Variants in STARD13 observed in about 807,000 individuals in gnomAD.
STARD13 encodes the protein StAR related lipid transfer domain containing 13, also known as stAR-related lipid transfer protein 13.
STARD13 carries 62 observed loss-of-function variants against 106.4 expected under a neutral mutation model. The observed-to-expected ratio is 0.58, with a 90% confidence interval of 0.48 to 0.72. The LOEUF (loss-of-function observed/expected upper bound fraction) is 0.72. STARD13 is among the 30% of genes least tolerant of loss of function. STARD13 has a pLI of 0.00. For missense variants in STARD13, 1,387 were observed against 1,424.0 expected (o/e 0.97, Z 0.42); for synonymous variants, 565 against 553.0 (o/e 1.02, Z -0.31).
chr13:33,362,906 T>C, the STARD13 span, among the ~76,000 whole-genome samples: 9 of 152,230 alleles, frequency 5.9e-5, no homozygotes, highest in Non-Finnish European at 1.2e-4. Context: ...TGATACACAG[T>C]AGATGCTCAA....
the STARD13 span, among the ~76,000 whole-genome samples, chr13:33,424,796 G>A: frequency 6.6e-6 from 1 of 152,186 alleles, no homozygotes; most frequent in Non-Finnish European, 1.5e-5. Context: ...ACATGTAGAA[G>A]TCCAATTCAT....
upstream of STARD13, among the ~76,000 whole-genome samples, chr13:33,287,690 A>C (rs966940875): frequency 6.6e-6 from 1 of 152,192 alleles, no homozygotes; most frequent in Non-Finnish European, 1.5e-5. Flanking sequence ...TGGCCGTCCA[A>C]TTAAGGTGCT....
chr13:33,160,192 C>T (rs1272855456), intron 3 of STARD13, among the ~76,000 whole-genome samples: 1 of 152,056 alleles, frequency 6.6e-6, no homozygotes, highest in Admixed American at 6.6e-5. Context: ...AAAGGTAATT[C>T]AGTAAAGACA....
chr13:33,157,116 T>C (rs1295690132), intron 3 of STARD13, among the ~76,000 whole-genome samples: 12 of 152,170 alleles, frequency 7.9e-5, no homozygotes. Context: ...AGTATGGGCC[T>C]TTGTATGTGT....
At chr13:33,656,250 C>G in the STARD13 span, among the ~76,000 whole-genome samples, 1 of 151,894 alleles carries the variant, frequency 6.6e-6, no homozygotes, top group African/African-American at 2.4e-5. Flanking sequence ...ATAGTAGCTT[C>G]TCAATAAATA....
At chr13:33,475,688 G>A in the STARD13 span, among the ~76,000 whole-genome samples, 2,193 of 152,252 alleles carry the variant, frequency 0.014, 57 homozygotes, top group African/African-American at 0.047. Context: ...GCCAGGTGTG[G>A]TGGTCACGCC....
the STARD13 span, among the ~76,000 whole-genome samples, chr13:33,469,103 G>T: frequency 6.6e-6 from 1 of 152,174 alleles, no homozygotes; most frequent in Admixed American, 6.5e-5. Context: ...TGCTTACTAT[G>T]CATCAAGCAC....
chr13:33,543,852 A>G, the STARD13 span, among the ~76,000 whole-genome samples: 2 of 152,360 alleles, frequency 1.3e-5, no homozygotes, highest in South Asian at 2.1e-4. Flanking sequence ...TGCTTTGTCA[A>G]TAATGCTTTT....
At chr13:33,223,148 G>A (rs1270850166) in intron 1 of STARD13, among the ~76,000 whole-genome samples, 1 of 152,234 alleles carries the variant, frequency 6.6e-6, no homozygotes, top group African/African-American at 2.4e-5. Context: ...AGATTACCCA[G>A]CCTGTGCTGG....
At chr13:33,469,711 T>TA in the STARD13 span, among the ~76,000 whole-genome samples, 2,207 of 152,114 alleles carry the variant, frequency 0.015, 58 homozygotes, top group African/African-American at 0.048. Flanking sequence ...CCCATTTAAT[T>TA]AAGAGGAAAT....
chr13:33,428,360 G>A, the STARD13 span, among the ~76,000 whole-genome samples: 1 of 152,014 alleles, frequency 6.6e-6, no homozygotes, highest in Non-Finnish European at 1.5e-5. Context: ...GTACAGTAAA[G>A]GAAACAGCAG....
rs371245565 is a variant in STARD13, at chr13:33,158,191, A to AAG, written c.323+7144_323+7145dup. Among the ~76,000 whole-genome samples, 380 of 148,564 alleles carry AAG rather than the reference A, an allele frequency of 2.6e-3. 2 individuals are homozygous for AAG. The highest frequency in any genetic ancestry group is 6.8e-3 in the African/African-American group (278 of 40,774). On this transcript the variant is annotated intron_variant, in intron 3 of 13. Coordinates refer to ENST00000336934, the MANE Select transcript of STARD13 (RefSeq NM_178006.4). ...GGGCCTAAAATGAGAGCTAGAGAGA[A>AAG]AGAGAGAGAGAGAGAGAGAGCAAGA... is the stretch of plus-strand genomic sequence containing the variant.
At chr13:33,484,098 G>A in the STARD13 span, among the ~76,000 whole-genome samples, 8 of 152,154 alleles carry the variant, frequency 5.3e-5, no homozygotes, top group Non-Finnish European at 1.2e-4. Context: ...TTAAGACAGT[G>A]GAAGAGACCC....
the STARD13 span, among the ~76,000 whole-genome samples, chr13:33,418,388 G>T: frequency 6.6e-6 from 1 of 152,216 alleles, no homozygotes; most frequent in African/African-American, 2.4e-5. Flanking sequence ...GCAAGGGGAG[G>T]GGTGTCTGCC....
the STARD13 span, among the ~76,000 whole-genome samples, chr13:33,472,276 CTTCT>C: frequency 6.6e-6 from 1 of 151,874 alleles, no homozygotes; most frequent in African/African-American, 2.4e-5. Flanking sequence ...GCATTTGTTT[CTTCT>C]TTCTTGTTTA....
At chr13:33,126,055 C>T (rs1877110107) in intron 7 of STARD13, 26 bp downstream of exon 7, 7 of 1,610,022 alleles carry the variant, frequency 4.3e-6, no homozygotes, top group Non-Finnish European at 5.9e-6. Context: ...GGTGGTGGGG[C>T]AGCAGCGGGG....
At chr13:33,395,626 T>C in the STARD13 span, among the ~76,000 whole-genome samples, 1 of 152,168 alleles carries the variant, frequency 6.6e-6, no homozygotes, top group Non-Finnish European at 1.5e-5. Flanking sequence ...CCTTGATTTT[T>C]CCCACTCTAC....
chr13:33,185,817 A>G (rs1416313086), intron 1 of STARD13: 1 of 1,564,398 alleles, frequency 6.4e-7, no homozygotes. Context: ...TGCAAGGCTA[A>G]GTAACAAGTT....
chr13:33,134,025 G>A (rs1465444241), intron 4 of STARD13, among the ~76,000 whole-genome samples: 1 of 152,186 alleles, frequency 6.6e-6, no homozygotes, highest in African/African-American at 2.4e-5. Flanking sequence ...AGTCAGATGT[G>A]TTTATAAAGA....
Sources: gnomAD v4.1 joint callset for allele counts (sites outside exome capture counted in the v4.1 genomes callset) on GRCh38, gnomAD v4.1.1 for gene constraint, MANE v1.5 for transcripts, NCBI Gene and HGNC (gene_info 2026-07-23, HGNC 2026-07-21) for gene names.